TBC1D16: variants seen among roughly 807,000 people sequenced by gnomAD.
The protein encoded by TBC1D16 is CTD-2529O21.1.
Under a neutral mutation model 74.7 loss-of-function variants are expected in TBC1D16, and 58 were observed. The observed-to-expected ratio is 0.78, with a 90% CI of 0.63 to 0.97. The LOEUF (loss-of-function observed/expected upper bound fraction) is 0.97. TBC1D16 is among the 50% of genes least tolerant of loss of function. TBC1D16 has a pLI of 0.00. For synonymous variants in TBC1D16, 493 were observed against 474.7 expected, an observed-to-expected ratio of 1.04 and a Z score of -0.50; for missense variants, 1,014 against 1,079.5, an observed-to-expected ratio of 0.94 and a Z score of 0.85.
intron 3 of TBC1D16, among the ~76,000 whole-genome samples, chr17:79,966,107 C>T (rs144968982): frequency 1.3e-5 from 2 of 152,334 alleles, no homozygotes; most frequent in East Asian, 3.9e-4. Flanking sequence ...CCCCCAGCTT[C>T]GGGCAGTTCC....
At chr17:79,989,767 G>C (rs879944830) in intron 3 of TBC1D16, among the ~76,000 whole-genome samples, 7 of 152,180 alleles carry the variant, frequency 4.6e-5, no homozygotes, top group Non-Finnish European at 8.8e-5. Flanking sequence ...ATCGGCCCTC[G>C]CAAGTCCCAC....
In TBC1D16 at chr17:80,034,684, C is replaced by T. The variant is rs548325469; in HGVS notation, c.-63+1111G>A. The stretch of plus-strand genomic sequence containing the variant: ...TTTATTTACAAAAGCTTTCATGGTT[C>T]TTAAAAGTGTTTAGTATTCACCAAT... On this transcript the variant is annotated intron_variant, in intron 1 of 11. Coordinates refer to ENST00000310924, the MANE Select transcript of TBC1D16 (RefSeq NM_019020.4). 2.6e-3 allele frequency among the ~76,000 whole-genome samples: 401 copies of T among 152,304 alleles called. 1 individual carries two copies. The highest frequency in any genetic ancestry group is 3.6e-3 in the Non-Finnish European group (242 of 68,026).
intron 1 of TBC1D16, among the ~76,000 whole-genome samples, chr17:80,024,426 CACTACACAT>C (rs2036423494): frequency 6.7e-6 from 1 of 148,184 alleles, no homozygotes; most frequent in African/African-American, 2.6e-5. Flanking sequence ...TAGACACACA[CACTACACAT>C]CATAGACACA....
chr17:79,956,019 T>C lies in TBC1D16; in HGVS notation c.780-3201A>G, dbSNP rs1019899390. Among the ~76,000 whole-genome samples, 3 of 152,168 alleles carry C rather than the reference T, an allele frequency of 2.0e-5. No homozygotes were observed. The highest frequency in any genetic ancestry group is 7.2e-5 in the African/African-American group (3 of 41,432). ...TGGGGCCTAGGCAGCCCCTCACTCT[T>C]CCTCTTGGCACAGTGCAGGCAAGAC... On this transcript the variant is annotated intron_variant, in intron 3 of 11. Coordinates refer to ENST00000310924, the MANE Select transcript of TBC1D16 (RefSeq NM_019020.4). The surrounding 1 kb of genome is among the most constrained non-coding windows in gnomAD (Gnocchi z 4.0).
intron 3 of TBC1D16, among the ~76,000 whole-genome samples, chr17:79,960,206 TA>T (rs2033531139): frequency 6.6e-6 from 1 of 152,198 alleles, no homozygotes; most frequent in Admixed American, 6.5e-5. Flanking sequence ...TATAAGTCAG[TA>T]ATATGCTTTA....
At chr17:79,996,601 C>G (rs2035280667) in intron 3 of TBC1D16, among the ~76,000 whole-genome samples, 1 of 152,164 alleles carries the variant, frequency 6.6e-6, no homozygotes, top group African/African-American at 2.4e-5. Context: ...AGCACATAGG[C>G]CGGGAACGGT....
rs1240301889 is a variant in TBC1D16, at chr17:80,008,282, G to C, written c.779+1878C>G. On this transcript the variant is annotated intron_variant, in intron 3 of 11. Transcript: ENST00000310924. The surrounding 1 kb of genome is among the most constrained non-coding windows in gnomAD (Gnocchi z 4.5). ...TCATCTTACAAACAGGGAAACCGAG[G>C]CTCCAAGAAAAGAAAGAATTTCCCA... Among the ~76,000 whole-genome samples the C allele has an allele frequency of 2.6e-5, 4 of 152,138 alleles. No homozygotes were observed. The highest frequency in any genetic ancestry group is 6.6e-5 in the Admixed American group (1 of 15,266).
rs536975187 is a variant in TBC1D16 at position 80,010,725 on chromosome 17, T to C, written c.214A>G (p.Met72Val). The change falls in exon 3 of 12, where the codon ATG (methionine) becomes GTG (valine). Residue 72 changes from methionine to valine, a missense_variant. Met to Val is a conservative substitution (Grantham distance 21). Coordinates refer to ENST00000310924, the MANE Select transcript of TBC1D16 (RefSeq NM_019020.4). This position sits in a 1 kb window ranked among gnomAD's most constrained non-coding sequence, Gnocchi z 8.8. ...YLCLYMEKDE[M>V]LGATLILAWV... ...GCCAGGATGAGGGTGGCTCCCAGCA[T>C]CTCATCCTTCTCCATGTACAAGCAC... 8 of 1,503,476 alleles carry C rather than the reference T, an allele frequency of 5.3e-6. No homozygotes were observed. The highest frequency in any genetic ancestry group is 7.1e-6 in the Non-Finnish European group (8 of 1,128,762). 93.1% of individuals were successfully genotyped at this position (1,503,476 alleles called of 1,614,324 possible).
chr17:80,025,098 C>CA (rs1568649868), intron 1 of TBC1D16, among the ~76,000 whole-genome samples: 70,245 of 76,822 alleles, frequency 0.91, 32,647 homozygotes, highest in Admixed American at 0.95. Flanking sequence ...CACACACACA[C>CA]CATATACACA....
At chr17:80,034,747 T>C (rs994133822) in intron 1 of TBC1D16, among the ~76,000 whole-genome samples, 2 of 152,342 alleles carry the variant, frequency 1.3e-5, no homozygotes, top group East Asian at 3.9e-4. Flanking sequence ...TTTCTAAAAC[T>C]GAGGCATGGA....
At chr17:80,011,678 T>A (rs538255059) in intron 2 of TBC1D16, among the ~76,000 whole-genome samples, 1 of 152,058 alleles carries the variant, frequency 6.6e-6, no homozygotes, top group Non-Finnish European at 1.5e-5. Flanking sequence ...TACAAAAAAT[T>A]AGCCGGGCGT....
Position 79,988,249 on chromosome 17 carries a change from C to T in TBC1D16, c.779+21911G>A, listed in dbSNP as rs914676931. The stretch of plus-strand genomic sequence containing the variant: ...GGGCCGTGGCTCCTCGGCAAGTGGG[C>T]GTCCGCCGAGCCTTTGATGCACTCT... On this transcript the variant is annotated intron_variant, in intron 3 of 11. Transcript: ENST00000310924. This position sits in a 1 kb window ranked among gnomAD's most constrained non-coding sequence, Gnocchi z 5.7. Among the ~76,000 whole-genome samples, 2 of 152,174 alleles carry T rather than the reference C, an allele frequency of 1.3e-5. No homozygotes were observed. The highest frequency in any genetic ancestry group is 6.5e-5 in the Admixed American group (1 of 15,272).
At chr17:79,949,676 C>G in intron 7 of TBC1D16, 41 bp downstream of exon 7, 4 of 1,581,438 alleles carry the variant, frequency 2.5e-6, no homozygotes, top group Non-Finnish European at 3.4e-6. Flanking sequence ...CATTTTCCTC[C>G]GCGGCTCGGC....
intron 10 of TBC1D16, among the ~76,000 whole-genome samples, chr17:79,942,476 G>T (rs2032110329): frequency 6.6e-6 from 1 of 150,960 alleles, no homozygotes; most frequent in African/African-American, 2.4e-5. Context: ...GCCCCCACGG[G>T]CTGCTGCTGC....
rs987994326 is a variant in TBC1D16 at position 80,007,278 on chromosome 17, G to A, written c.779+2882C>T. ...CCCAGCACGGTCTCCGGGTGGGGAC[G>A]AGTCCCAGGCCAGGCTCGCTGACCC... On this transcript the variant is annotated intron_variant, in intron 3 of 11. Coordinates refer to ENST00000310924, the MANE Select transcript of TBC1D16 (RefSeq NM_019020.4). The surrounding 1 kb of genome is among the most constrained non-coding windows in gnomAD (Gnocchi z 4.5). Among the ~76,000 whole-genome samples the A allele has an allele frequency of 2.6e-5, 4 of 152,226 alleles. No individual in the cohort carries two copies. The highest frequency in any genetic ancestry group is 1.9e-4 in the East Asian group (1 of 5,162).
chr17:80,007,499 G>C lies in TBC1D16; in HGVS notation c.779+2661C>G, dbSNP rs183306237. On this transcript the variant is annotated intron_variant, in intron 3 of 11. Coordinates refer to ENST00000310924, the MANE Select transcript of TBC1D16 (RefSeq NM_019020.4). This position sits in a 1 kb window ranked among gnomAD's most constrained non-coding sequence, Gnocchi z 4.5. The stretch of plus-strand genomic sequence containing the variant: ...AAAATTTACTCCTTCACCACCATCT[G>C]CCTCCCAGCAGCTGGGGACGGACAG... Among the ~76,000 whole-genome samples the C allele has an allele frequency of 1.3e-5, 2 of 152,304 alleles. No homozygotes were observed. Among genetic ancestry groups the C allele is most frequent in the East Asian group, 3.9e-4 (2 of 5,180 alleles).
intron 3 of TBC1D16, among the ~76,000 whole-genome samples, chr17:80,005,259 C>G (rs1254500239): frequency 6.6e-6 from 1 of 151,836 alleles, no homozygotes; most frequent in African/African-American, 2.4e-5. Context: ...ATTTTTTTTT[C>G]TTTTTGGTAG....
chr17:79,938,616 G>C lies in TBC1D16; in HGVS notation c.*2243C>G, dbSNP rs1298640245. The C allele has an allele frequency of 3.9e-5, 6 of 152,248 alleles. No homozygotes were observed. The highest frequency in any genetic ancestry group is 1.2e-4 in the African/African-American group (5 of 41,430). 9.4% of individuals were successfully genotyped at this position (152,248 alleles called of 1,614,324 possible). ...GTGGGGAAGGAGTGCTCCAAAGCAGGCATTATTAGGACACAGACTCTCCAG... is the reference window on the plus strand; with the variant it reads ...GTGGGGAAGGAGTGCTCCAAAGCAGCCATTATTAGGACACAGACTCTCCAG... On this transcript the variant is annotated 3_prime_UTR_variant, in exon 12 of 12. Coordinates refer to ENST00000310924, the MANE Select transcript of TBC1D16 (RefSeq NM_019020.4).
chr17:79,996,578 G>C (rs1490312557), intron 3 of TBC1D16, among the ~76,000 whole-genome samples: 1 of 152,126 alleles, frequency 6.6e-6, no homozygotes, highest in Admixed American at 6.5e-5. Flanking sequence ...TTTAGCAATT[G>C]CTTTAAAAAC....
Sources: allele counts gnomAD v4.1 joint callset (sites outside exome capture counted in the v4.1 genomes callset), GRCh38; gene constraint gnomAD v4.1.1; non-coding constraint Gnocchi (gnomAD v3.1); transcripts MANE v1.5; gene names NCBI Gene and HGNC (gene_info 2026-07-23, HGNC 2026-07-21).